HPSE2: variants seen among roughly 807,000 people sequenced by gnomAD.
The protein encoded by HPSE2 is heparanase 2 (inactive).
HPSE2 carries 38 observed loss-of-function variants against 60.5 expected under a neutral mutation model. That is an observed-to-expected ratio of 0.63 (90% CI 0.48 to 0.82). The LOEUF is 0.82. Ranked by LOEUF, HPSE2 falls within the 40% of genes least tolerant of loss-of-function variation. The pLI is 0.00. For synonymous variants in HPSE2, 295 were observed against 293.2 expected (o/e 1.01, Z -0.06); for missense variants, 713 against 740.4 (o/e 0.96, Z 0.43).
intron 3 of HPSE2, chr10:99,047,809 T>A (rs1393084718): frequency 1.2e-6 from 1 of 817,336 alleles, no homozygotes. Flanking sequence ...CAAAGCACTA[T>A]CACAAGGAAT....
At chr10:98,560,366 G>A (rs968049176) in intron 9 of HPSE2, among the ~76,000 whole-genome samples, 1 of 152,196 alleles carries the variant, frequency 6.6e-6, no homozygotes, top group Non-Finnish European at 1.5e-5. Context: ...CTCTCAACCA[G>A]ATTTCATCGT....
chr10:98,865,318 G>A (rs746279938), intron 3 of HPSE2, among the ~76,000 whole-genome samples: 1 of 152,056 alleles, frequency 6.6e-6, no homozygotes, highest in Non-Finnish European at 1.5e-5. Flanking sequence ...AAAGATATGA[G>A]AGACTTATAC....
chr10:99,184,815 TATATAGAGAGAGAGAGAGAGAGAG>T (rs1431948273), intron 2 of HPSE2, among the ~76,000 whole-genome samples: 412 of 28,618 alleles, frequency 0.014, 6 homozygotes, highest in Admixed American at 0.04. Context: ...TATATATATA[TATATAGAGAGAGAGAGAGAGAGAG>T]AGAGAGAGAG....
chr10:98,581,833 T>C lies in HPSE2; in HGVS notation c.1320+33071A>G, dbSNP rs148289675. On this transcript the variant is annotated intron_variant, in intron 9 of 11. Transcript: ENST00000370552. ...TCTAACTTCTAAACAACCCCTGTGG[T>C]TTCTGTTGAGTTTTAATAATATGTG... Among the ~76,000 whole-genome samples the C allele has an allele frequency of 5.4e-3, 822 of 152,350 alleles. 7 individuals are homozygous for C. Among genetic ancestry groups the C allele is most frequent in the African/African-American group, 0.019 (778 of 41,592 alleles).
chr10:98,603,619 G>A (rs940958576), intron 9 of HPSE2, among the ~76,000 whole-genome samples: 5 of 151,776 alleles, frequency 3.3e-5, no homozygotes, highest in Admixed American at 6.6e-5. Context: ...TAGTAGTAAC[G>A]GGGTTTCACC....
At chr10:98,544,780 CAGAACGCA>C (rs1465882465) in intron 9 of HPSE2, among the ~76,000 whole-genome samples, 2 of 148,118 alleles carry the variant, frequency 1.4e-5, no homozygotes, top group African/African-American at 5.0e-5. Flanking sequence ...CAAAAGCTAG[CAGAACGCA>C]AGAAATAACT....
intron 3 of HPSE2, among the ~76,000 whole-genome samples, chr10:98,778,012 A>C (rs1950379100): frequency 6.6e-6 from 1 of 151,976 alleles, no homozygotes; most frequent in Admixed American, 6.6e-5. Context: ...TCTGCTTGCT[A>C]TGATTTCTTC....
In HPSE2 at chr10:98,818,646, A is replaced by G. The variant is rs1263199817; in HGVS notation, c.611-74590T>C. Among the ~76,000 whole-genome samples the G allele has an allele frequency of 3.3e-5, 5 of 152,120 alleles. No homozygotes were observed. The South Asian group carries it at 1.0e-3, about 32-fold the overall frequency. On this transcript the variant is annotated intron_variant, in intron 3 of 11. Transcript: ENST00000370552. ...AACGAGGAGCCAAAACTTTATATCC[A>G]CCTATCCTTTAACATTCCCTAAACC...
At chr10:98,894,447 G>A (rs1953425703) in intron 3 of HPSE2, among the ~76,000 whole-genome samples, 1 of 152,010 alleles carries the variant, frequency 6.6e-6, no homozygotes, top group Non-Finnish European at 1.5e-5. Context: ...AGTGAAAAAT[G>A]TTACCATTTA....
chr10:98,902,978 C>T lies in HPSE2; in HGVS notation c.611-158922G>A, dbSNP rs191542099. ...CCCACACAAAAACTTGAACACAATGCTTATAGCAGTATTATTCATAATAGC... is the reference window on the plus strand; with the variant it reads ...CCCACACAAAAACTTGAACACAATGTTTATAGCAGTATTATTCATAATAGC... On this transcript the variant is annotated intron_variant, in intron 3 of 11. Transcript: ENST00000370552. Among the ~76,000 whole-genome samples the T allele has an allele frequency of 2.0e-4, 30 of 152,124 alleles. No individual in the cohort carries two copies. The East Asian group carries it at 5.2e-3, about 26-fold the overall frequency.
chr10:98,949,935 T>A (rs571143963), intron 3 of HPSE2, among the ~76,000 whole-genome samples: 52 of 152,300 alleles, frequency 3.4e-4, no homozygotes, highest in African/African-American at 1.2e-3. Context: ...GATAACAGCA[T>A]TTATGTCAAG....
the HPSE2 span, among the ~76,000 whole-genome samples, chr10:99,305,740 A>G: frequency 6.6e-6 from 1 of 152,048 alleles, no homozygotes; most frequent in African/African-American, 2.4e-5. Flanking sequence ...ATATATATGA[A>G]TATATATTCA....
chr10:98,602,186 T>C (rs1447005776), intron 9 of HPSE2, among the ~76,000 whole-genome samples: 2 of 152,118 alleles, frequency 1.3e-5, no homozygotes, highest in East Asian at 1.9e-4. Context: ...AGTGATAGGA[T>C]TGAAACAAGC....
intron 3 of HPSE2, among the ~76,000 whole-genome samples, chr10:98,968,523 T>C (rs1056427613): frequency 2.0e-5 from 3 of 152,136 alleles, no homozygotes; most frequent in Non-Finnish European, 2.9e-5. Context: ...GAAAAATAAG[T>C]TGTTATATGA....
chr10:98,770,175 T>C (rs1220234154), intron 3 of HPSE2, among the ~76,000 whole-genome samples: 2 of 152,170 alleles, frequency 1.3e-5, no homozygotes, highest in Non-Finnish European at 2.9e-5. Context: ...TGTTGGAAAC[T>C]TGGTATGTGT....
At chr10:99,145,196 C>T (rs1434931778) in intron 2 of HPSE2, among the ~76,000 whole-genome samples, 2 of 152,182 alleles carry the variant, frequency 1.3e-5, no homozygotes, top group African/African-American at 4.8e-5. Flanking sequence ...GTGGCTCACG[C>T]CTGTAATCCC....
chr10:98,570,537 A>G (rs1189119337), intron 9 of HPSE2, among the ~76,000 whole-genome samples: 2 of 151,058 alleles, frequency 1.3e-5, no homozygotes, highest in East Asian at 3.9e-4. Flanking sequence ...CACTGAGGGG[A>G]CTGTATTTTT....
intron 3 of HPSE2, among the ~76,000 whole-genome samples, chr10:99,137,832 C>T (rs1845718233): frequency 6.6e-6 from 1 of 152,132 alleles, no homozygotes; most frequent in Non-Finnish European, 1.5e-5. Context: ...TAGGCATGGG[C>T]AAAGACTTCA....
At chr10:99,161,661 G>T (rs1846851676) in intron 2 of HPSE2, among the ~76,000 whole-genome samples, 1 of 151,866 alleles carries the variant, frequency 6.6e-6, no homozygotes, top group Non-Finnish European at 1.5e-5. Flanking sequence ...ACTTGTAATG[G>T]GTGAATTTTA....
Sources: allele counts gnomAD v4.1 joint callset (sites outside exome capture counted in the v4.1 genomes callset), GRCh38; gene constraint gnomAD v4.1.1; transcripts MANE v1.5; gene names NCBI Gene and HGNC (gene_info 2026-07-23, HGNC 2026-07-21).